Variants in B3GALNT2 observed in about 807,000 individuals in gnomAD.
The protein encoded by B3GALNT2 is UDP-GalNAc:beta-1,3-N-acetylgalactosaminyltransferase 2.
A neutral mutation model predicts 61.1 loss-of-function variants in B3GALNT2; 53 were observed. The ratio of observed to expected loss-of-function variants is 0.87; its 90% CI spans 0.70 to 1.09. B3GALNT2 has a LOEUF of 1.09. Among genes scored for constraint, B3GALNT2 ranks in the 50% least tolerant of loss-of-function variants. The probability of loss-of-function intolerance (pLI) is 0.00; values close to 1 mark genes in which losing one functional copy is unlikely to be tolerated. For synonymous variants in B3GALNT2, 223 were observed against 237.4 expected (o/e 0.94, Z 0.56); for missense variants, 544 against 623.0 (o/e 0.87, Z 1.35).
chr1:235,463,977 C>T (rs1683559161), intron 7 of B3GALNT2: 1 of 152,240 alleles, frequency 6.6e-6, no homozygotes. Flanking sequence ...CAAGTAAATC[C>T]TTACATCTAC....
At chr1:235,499,507 CATA>C (rs1321439225) in intron 1 of B3GALNT2, among the ~76,000 whole-genome samples, 2 of 152,202 alleles carry the variant, frequency 1.3e-5, no homozygotes, top group African/African-American at 4.8e-5. Flanking sequence ...ACAAAATCTT[CATA>C]ATGTCAGGAC....
At chr1:235,482,414 C>CAG (rs529689112) in intron 4 of B3GALNT2, among the ~76,000 whole-genome samples, 77 of 152,044 alleles carry the variant, frequency 5.1e-4, no homozygotes, top group South Asian at 3.1e-3. Context: ...GAAAGGATCA[C>CAG]AGAGAGAGAG....
rs1436382802 is a variant in B3GALNT2 at position 235,465,670 on chromosome 1, C to T, written c.807G>A (p.Glu269=). ...TATATATAAAACCACCTGCAACTCC[C>T]TCCACACCTTCCAAGAATTCATGAG... ...ALPHEFLEGV[E]GVAGGFIYTI... Residue 269 remains glutamate, a synonymous_variant, in exon 7 of 12, where the codon GAG becomes GAA. Coordinates refer to ENST00000366600, the MANE Select transcript of B3GALNT2 (RefSeq NM_152490.5). 1.2e-6 allele frequency: 2 copies of T among 1,614,032 alleles called. No homozygotes were observed. Among genetic ancestry groups the T allele is most frequent in the Admixed American group, 1.7e-5 (1 of 60,000 alleles).
the B3GALNT2 span, chr1:235,440,707 T>G: frequency 6.6e-6 from 1 of 152,218 alleles, no homozygotes. Context: ...ATCTGTATTT[T>G]TTTAAAGCCC....
chr1:235,488,384 G>C (rs1479527987), intron 3 of B3GALNT2, among the ~76,000 whole-genome samples: 1 of 152,000 alleles, frequency 6.6e-6, no homozygotes, highest in African/African-American at 2.4e-5. Flanking sequence ...AAGGCAATCT[G>C]TCAAAAATGA....
At chr1:235,485,764 C>T (rs888319117) in intron 3 of B3GALNT2, among the ~76,000 whole-genome samples, 1 of 152,188 alleles carries the variant, frequency 6.6e-6, no homozygotes, top group African/African-American at 2.4e-5. Context: ...TTGCTGACTA[C>T]ACAACACCAT....
intron 2 of B3GALNT2, among the ~76,000 whole-genome samples, chr1:235,490,476 C>A (rs1276666398): frequency 2.0e-5 from 3 of 152,186 alleles, no homozygotes; most frequent in Non-Finnish European, 4.4e-5. Flanking sequence ...AGTGATCTGC[C>A]TGCCTTGGCC....
In B3GALNT2 at chr1:235,448,328, A is replaced by ACTTTT; in HGVS notation, c.*1873_*1877dup. The ACTTTT allele has an allele frequency of 1.2e-6, 2 of 1,609,780 alleles. No individual in the cohort carries two copies. The highest frequency in any genetic ancestry group is 2.7e-5 in the African/African-American group (2 of 74,854). ...AACTGTCATTTGAGAGAACGAATGG[A>ACTTTT]CTTTTCTTGTCTTTTGATAGGCTCC... is the stretch of plus-strand genomic sequence containing the variant. On this transcript the variant is annotated 3_prime_UTR_variant, in exon 12 of 12. Transcript: ENST00000366600.
At chr1:235,456,008 A>C (rs1683153475) in intron 8 of B3GALNT2, among the ~76,000 whole-genome samples, 1 of 152,226 alleles carries the variant, frequency 6.6e-6, no homozygotes, top group African/African-American at 2.4e-5. Context: ...TCCTGCTGCC[A>C]AATCTATTAA....
At chr1:235,462,059 C>T (rs1426034592) in intron 7 of B3GALNT2, among the ~76,000 whole-genome samples, 3 of 152,138 alleles carry the variant, frequency 2.0e-5, no homozygotes, top group Admixed American at 6.6e-5. Flanking sequence ...TAACATTCGG[C>T]AGGCTAAGTG....
chr1:235,456,233 T>C (rs980487938), intron 8 of B3GALNT2, among the ~76,000 whole-genome samples: 6 of 152,250 alleles, frequency 3.9e-5, no homozygotes, highest in Admixed American at 1.3e-4. Flanking sequence ...TAAACCATTA[T>C]AAATGACCTT....
At chr1:235,441,742 T>C in the B3GALNT2 span, 1 of 1,397,658 alleles carries the variant, frequency 7.2e-7, no homozygotes, top group Non-Finnish European at 1.0e-6. Context: ...TATCCTTTGT[T>C]TGTTTGTTTG....
intron 6 of B3GALNT2, among the ~76,000 whole-genome samples, chr1:235,466,134 G>A (rs1436959393): frequency 6.6e-6 from 1 of 151,854 alleles, no homozygotes; most frequent in East Asian, 1.9e-4. Context: ...AGACCATGCA[G>A]AGAAAGGCTC....
In B3GALNT2 at chr1:235,448,939, T is replaced by C. The variant is rs886046153; in HGVS notation, c.*1267A>G. 5 of 574,662 alleles carry C rather than the reference T, an allele frequency of 8.7e-6. No individual in the cohort carries two copies. The East Asian group carries it at 1.3e-4, about 15-fold the overall frequency. 35.6% of individuals were successfully genotyped at this position (574,662 alleles called of 1,614,324 possible). A position where few individuals can be genotyped will look rare whatever the true frequency, so the allele number is the denominator to read the frequency against. On this transcript the variant is annotated 3_prime_UTR_variant, in exon 12 of 12. Coordinates refer to ENST00000366600, the MANE Select transcript of B3GALNT2 (RefSeq NM_152490.5). ...TGACCATTTCTAGGCTTATACATAA[T>C]AGCAATAATAAAGGCTTTGAACCTA...
In B3GALNT2 at chr1:235,484,401, C is replaced by T. The variant is rs143016447; in HGVS notation, c.476G>A (p.Ser159Asn). The change falls in exon 4 of 12, where the codon AGT (serine) becomes AAT (asparagine). Residue 159 changes from serine (S) to asparagine (N), a missense_variant. Ser to Asn is a conservative substitution (Grantham distance 46, BLOSUM62 1). Coordinates refer to ENST00000366600, the MANE Select transcript of B3GALNT2 (RefSeq NM_152490.5). The stretch of plus-strand genomic sequence containing the variant: ...ATTGGCATCGTAGAACACTCCAAGA[C>T]TGGTAATAACGATGGGGTAGAGAAC... ...FRVLYPIVIT[S>N]LGVFYDANDV... 1.9e-5 allele frequency: 30 copies of T among 1,614,216 alleles called. No homozygotes were observed. The highest frequency in any genetic ancestry group is 2.4e-5 in the Non-Finnish European group (28 of 1,180,030).
the B3GALNT2 span, chr1:235,441,550 G>A: frequency 2.0e-6 from 1 of 500,994 alleles, no homozygotes; most frequent in Non-Finnish European, 3.6e-6. Flanking sequence ...TTCATTTGTT[G>A]TCTTTTGTTG....
chr1:235,455,106 A>C (rs139123187), intron 9 of B3GALNT2, among the ~76,000 whole-genome samples: 1 of 151,578 alleles, frequency 6.6e-6, no homozygotes, highest in Non-Finnish European at 1.5e-5. Flanking sequence ...ATTTCCTCCA[A>C]TTGTACAGTA....
chr1:235,472,950 C>G (rs187914520), intron 5 of B3GALNT2, among the ~76,000 whole-genome samples: 5 of 152,102 alleles, frequency 3.3e-5, no homozygotes, highest in Non-Finnish European at 7.4e-5. Flanking sequence ...ACTCTGTAGC[C>G]CAGGCTGGAG....
In B3GALNT2 at chr1:235,483,314, A is replaced by G. The variant is rs544934972; in HGVS notation, c.555+1008T>C. 2.0e-5 allele frequency among the ~76,000 whole-genome samples: 3 copies of G among 152,328 alleles called. No individual in the cohort carries two copies. The South Asian group carries it at 6.2e-4, about 32-fold the overall frequency. On this transcript the variant is annotated intron_variant, in intron 4 of 11. Transcript: ENST00000366600. Reference sequence around the variant, plus strand: ...ACATGTAACTGGAATCCCAGGAGGAATAGAGAGAGCGAGCGAAGTCAGAAA... The same window carrying G: ...ACATGTAACTGGAATCCCAGGAGGAGTAGAGAGAGCGAGCGAAGTCAGAAA...
Sources: gnomAD v4.1 joint callset for allele counts (sites outside exome capture counted in the v4.1 genomes callset) on GRCh38, gnomAD v4.1.1 for gene constraint, MANE v1.5 for transcripts, NCBI Gene and HGNC (gene_info 2026-07-23, HGNC 2026-07-21) for gene names.